Variants in PHF8 observed in about 807,000 individuals in gnomAD.
The protein encoded by PHF8 is histone lysine demethylase PHF8.
In PHF8, 9 loss-of-function variants were observed where a neutral mutation model predicts 74.4. That is an observed-to-expected ratio of 0.12 (90% CI 0.07 to 0.21). PHF8 has a LOEUF of 0.21. Among genes scored for constraint, PHF8 ranks in the 10% least tolerant of loss-of-function variants. The probability of loss-of-function intolerance (pLI) is 1.00; values close to 1 mark genes in which losing one functional copy is unlikely to be tolerated. For synonymous variants in PHF8, 311 were observed against 316.6 expected (o/e 0.98, Z 0.19); for missense variants, 478 against 816.6 (o/e 0.59, Z 5.05).
At chrX:53,949,396 A>G (rs2064883326) in intron 19 of PHF8, among the ~76,000 whole-genome samples, 1 of 112,307 alleles carries the variant, frequency 8.9e-6, no homozygotes, top group African/African-American at 3.2e-5. Context: ...CTAAGAGCTT[A>G]TAATAACCAA....
Position 54,043,814 on chromosome X carries a change from G to T in PHF8, c.-145C>A, listed in dbSNP as rs1435238815. ...AGGAACCTCCTCACGCCCCAAACCT[G>T]ACAAGAACGTCTTCAGTCCAGAATC... On this transcript the variant is annotated 5_prime_UTR_variant, in exon 1 of 22. Transcript: ENST00000338154. 3 of 752,326 alleles carry T rather than the reference G, an allele frequency of 4.0e-6. No homozygotes were observed. Among genetic ancestry groups the T allele is most frequent in the African/African-American group, 2.3e-5 (1 of 43,361 alleles). The allele number at this position is 752,326 out of a possible 1,213,427, so 62.0% of individuals were successfully genotyped here.
intron 18 of PHF8, among the ~76,000 whole-genome samples, chrX:53,966,493 G>A (rs1316852168): frequency 2.7e-5 from 3 of 112,682 alleles, no homozygotes; most frequent in African/African-American, 6.4e-5. Context: ...CTCGGCCTCC[G>A]GAGGTGCCAG....
At chrX:53,994,387 T>C (rs1379501419) in intron 12 of PHF8, among the ~76,000 whole-genome samples, 1 of 112,573 alleles carries the variant, frequency 8.9e-6, no homozygotes, top group Non-Finnish European at 1.9e-5. Flanking sequence ...TCCTTTGAGC[T>C]TCTTGGGAGG....
chrX:54,017,836 A>C lies in PHF8; in HGVS notation c.294-15T>G. ...CTTCATCTGAGCTGTGGGCCGCAGG[A>C]GAGAAAGCTTGAGCCTGAGGCCCTG... On this transcript the variant is annotated splice_polypyrimidine_tract_variant and intron_variant, in intron 4 of 21. Transcript: ENST00000338154. 6.6e-6 allele frequency: 8 copies of C among 1,207,776 alleles called. No individual in the cohort carries two copies. The highest frequency in any genetic ancestry group is 9.0e-6 in the Non-Finnish European group (8 of 892,144).
chrX:54,020,783 A>G (rs1162192710), intron 4 of PHF8, among the ~76,000 whole-genome samples: 2 of 111,760 alleles, frequency 1.8e-5, no homozygotes, highest in African/African-American at 3.2e-5. Flanking sequence ...GAAGTAAAAA[A>G]AAAAATAACA....
intron 19 of PHF8, among the ~76,000 whole-genome samples, chrX:53,949,447 G>A (rs185521067): frequency 6.3e-5 from 7 of 111,923 alleles, no homozygotes; most frequent in African/African-American, 1.9e-4. Flanking sequence ...GTTTAAGTAA[G>A]CCAATTACAA....
chrX:53,966,420 G>A (rs1200855824), intron 18 of PHF8, among the ~76,000 whole-genome samples: 1 of 112,863 alleles, frequency 8.9e-6, no homozygotes, highest in Admixed American at 9.3e-5. Flanking sequence ...TTTTGGTGGA[G>A]ACTGGGTTTC....
chrX:54,018,625 T>C (rs1022753750), intron 4 of PHF8, among the ~76,000 whole-genome samples: 57 of 97,177 alleles, frequency 5.9e-4, no homozygotes, highest in African/African-American at 2.4e-3. Context: ...TATCTCATTC[T>C]TTTTTTTTTT....
chrX:53,953,852 G>A (rs781839931), intron 19 of PHF8, among the ~76,000 whole-genome samples: 88 of 111,203 alleles, frequency 7.9e-4, no homozygotes, highest in Non-Finnish European at 1.5e-3. Context: ...CCTACTATAT[G>A]CTATCTATAC....
At chrX:54,023,102 A>G (rs1411302402) in intron 2 of PHF8, among the ~76,000 whole-genome samples, 1 of 110,722 alleles carries the variant, frequency 9.0e-6, no homozygotes, top group Non-Finnish European at 1.9e-5. Context: ...CAGCCTCCCA[A>G]TTAGCTGGGA....
At chrX:53,967,497 G>A (rs1192031784) in intron 18 of PHF8, among the ~76,000 whole-genome samples, 2 of 104,550 alleles carry the variant, frequency 1.9e-5, no homozygotes, top group Non-Finnish European at 4.0e-5. Flanking sequence ...AGGTGGGGGG[G>A]TCAGCCCTCC....
At chrX:53,958,062 G>A (rs1310894624) in intron 19 of PHF8, among the ~76,000 whole-genome samples, 1 of 103,837 alleles carries the variant, frequency 9.6e-6, no homozygotes, top group Non-Finnish European at 2.0e-5. Flanking sequence ...TTTTTTTTGA[G>A]ATGAAGTCTT....
intron 19 of PHF8, among the ~76,000 whole-genome samples, chrX:53,947,724 TGA>T (rs1216482048): frequency 8.9e-6 from 1 of 112,411 alleles, no homozygotes; most frequent in Non-Finnish European, 1.9e-5. Flanking sequence ...ATATGACTTT[TGA>T]GGCAAGGTCA....
rs782366301 is a variant in PHF8 at position 53,985,866 on chromosome X, A to G, written c.2079T>C (p.Asp693=). 2.5e-6 allele frequency: 3 copies of G among 1,208,272 alleles called. No homozygotes were observed. The Admixed American group carries it at 6.6e-5, about 26-fold the overall frequency. ...CCACCTGCCTGCTGGCCTTGAGCAG[A>G]TCAAGAATGCCACCAGCGCCACTAC... ...GNGSGAGGIL[D]LLKASRQVGG... is the part of the protein sequence containing the mutation. Residue 693 remains aspartate, a synonymous_variant, in exon 17 of 22, where the codon GAT becomes GAC. Transcript: ENST00000338154.
chrX:53,996,362 G>A (rs1368693653), intron 11 of PHF8, among the ~76,000 whole-genome samples: 1 of 109,291 alleles, frequency 9.1e-6, no homozygotes, highest in African/African-American at 3.3e-5. Context: ...TGATCCACCC[G>A]CCTTGGCCTC....
chrX:54,044,797 A>G, upstream of PHF8: 1 of 839,964 alleles, frequency 1.2e-6, no homozygotes, highest in Non-Finnish European at 1.7e-6. Flanking sequence ...GAGGAGGTGA[A>G]CTCGGTGACT....
At chrX:54,011,574 T>C (rs1557106748) in intron 7 of PHF8, among the ~76,000 whole-genome samples, 1 of 112,053 alleles carries the variant, frequency 8.9e-6, no homozygotes, top group East Asian at 2.8e-4. Flanking sequence ...GTTCCTATTT[T>C]AGACACAATG....
At chrX:54,010,129 T>C (rs951829852) in intron 8 of PHF8, among the ~76,000 whole-genome samples, 1 of 109,295 alleles carries the variant, frequency 9.1e-6, no homozygotes, top group Non-Finnish European at 1.9e-5. Flanking sequence ...AGACCAGCCA[T>C]GGCCAACATG....
At chrX:54,046,068 C>G (rs370911027), upstream of PHF8, among the ~76,000 whole-genome samples, 1 of 110,654 alleles carries the variant, frequency 9.0e-6, no homozygotes, top group South Asian at 3.8e-4. Context: ...TCCGCCAGAG[C>G]CTCATGAGTA....
Sources: gnomAD v4.1 joint callset for allele counts (sites outside exome capture counted in the v4.1 genomes callset) on GRCh38, gnomAD v4.1.1 for gene constraint, MANE v1.5 for transcripts, NCBI Gene and HGNC (gene_info 2026-07-23, HGNC 2026-07-21) for gene names.